Variants in ANKRD27 observed in about 807,000 individuals in gnomAD.
ANKRD27 encodes ankyrin repeat domain 27, also known as ankyrin repeat domain-containing protein 27.
ANKRD27 carries 112 observed loss-of-function variants against 129.7 expected under a neutral mutation model. The observed-to-expected ratio is 0.86, with a 90% CI of 0.74 to 1.01. The LOEUF (loss-of-function observed/expected upper bound fraction) is 1.01, where lower values mean the gene tolerates loss of function less well. Ranked by LOEUF, ANKRD27 falls within the 50% of genes least tolerant of loss-of-function variation. The pLI, the probability that ANKRD27 is intolerant of heterozygous loss-of-function variation, is 0.00. For synonymous variants in ANKRD27, 516 were observed against 511.2 expected (o/e 1.01, Z -0.13); for missense variants, 1,258 against 1,300.5 (o/e 0.97, Z 0.50).
chr19:32,624,109 G>A (rs578015919), intron 17 of ANKRD27, among the ~76,000 whole-genome samples: 1 of 152,060 alleles, frequency 6.6e-6, no homozygotes, highest in Admixed American at 6.5e-5. Flanking sequence ...GCTCACGCCT[G>A]TAATCCCAGC....
intron 10 of ANKRD27, among the ~76,000 whole-genome samples, chr19:32,641,393 T>C (rs898216315): frequency 6.6e-6 from 1 of 152,152 alleles, no homozygotes; most frequent in Non-Finnish European, 1.5e-5. Context: ...TTCCATTTTA[T>C]AGACATGGAG....
At chr19:32,650,324 G>A (rs1162805912) in intron 2 of ANKRD27, among the ~76,000 whole-genome samples, 1 of 152,194 alleles carries the variant, frequency 6.6e-6, no homozygotes, top group African/African-American at 2.4e-5. Flanking sequence ...GGCCAAGGCA[G>A]GCGGATCACT....
chr19:32,620,130 C>T (rs1004771679), intron 18 of ANKRD27, among the ~76,000 whole-genome samples: 2 of 152,102 alleles, frequency 1.3e-5, no homozygotes, highest in African/African-American at 4.8e-5. Flanking sequence ...AAAGCTGCGA[C>T]CTTGGCAGTA....
intron 28 of ANKRD27, 84 bp from the exon 29 acceptor site, chr19:32,598,462 G>T: frequency 1.6e-6 from 2 of 1,280,080 alleles, no homozygotes; most frequent in Non-Finnish European, 2.3e-6. Flanking sequence ...GCCCCTTAGT[G>T]CCTAGTGTCA....
Position 32,608,248 on chromosome 19 carries a change from T to C in ANKRD27, c.2176-416A>G, listed in dbSNP as rs1971779956. The stretch of plus-strand genomic sequence containing the variant: ...CTGGTCTTGAACTCCCAGGTTCATG[T>C]GGTCCTCCCACCTCAGCCTCCCAAA... On this transcript the variant is annotated intron_variant, in intron 22 of 28. Transcript: ENST00000306065. 6 of 247,516 alleles carry C rather than the reference T, an allele frequency of 2.4e-5. No individual in the cohort carries two copies. In the South Asian group the frequency reaches 2.7e-4, roughly 11 times the overall value. 15.3% of individuals were successfully genotyped at this position (247,516 alleles called of 1,614,324 possible).
intron 1 of ANKRD27, among the ~76,000 whole-genome samples, chr19:32,674,194 T>A (rs953535908): frequency 1.3e-5 from 2 of 151,880 alleles, no homozygotes; most frequent in Non-Finnish European, 2.9e-5. Context: ...AGAAAAAAAA[T>A]ATCCACTGCT....
At chr19:32,640,452 C>A in intron 10 of ANKRD27, 67 bp from the exon 11 acceptor site, 4 of 1,337,792 alleles carry the variant, frequency 3.0e-6, no homozygotes, top group South Asian at 1.2e-5. Flanking sequence ...CATATCAACT[C>A]CCTACCACCG....
At chr19:32,610,883 G>A (rs1473230414) in intron 22 of ANKRD27, among the ~76,000 whole-genome samples, 1 of 151,962 alleles carries the variant, frequency 6.6e-6, no homozygotes, top group Non-Finnish European at 1.5e-5. Flanking sequence ...GGGAGGCTGG[G>A]GCAGGAGGAT....
chr19:32,638,074 G>A (rs940141204), intron 12 of ANKRD27: 1 of 152,378 alleles, frequency 6.6e-6, no homozygotes, highest in Non-Finnish European at 1.5e-5. Flanking sequence ...GGGTGGAAAG[G>A]TGCAGGTGCC....
chr19:32,653,962 G>A (rs1340719607), intron 2 of ANKRD27, among the ~76,000 whole-genome samples: 2 of 151,928 alleles, frequency 1.3e-5, no homozygotes, highest in African/African-American at 4.8e-5. Flanking sequence ...GTGCAGTGGC[G>A]TGATCTCAGC....
At chr19:32,647,986 C>T (rs781499746) in intron 3 of ANKRD27, among the ~76,000 whole-genome samples, 2 of 152,222 alleles carry the variant, frequency 1.3e-5, no homozygotes, top group Non-Finnish European at 2.9e-5. Flanking sequence ...AGGATCCAGG[C>T]CGGGTGCAGT....
At position 32,632,779 on chromosome 19, in the gene ANKRD27, C is replaced by T. The variant is rs115332564; in HGVS notation, c.1117-1285G>A. On this transcript the variant is annotated intron_variant, in intron 12 of 28. Coordinates refer to ENST00000306065, the MANE Select transcript of ANKRD27 (RefSeq NM_032139.3). ...CCAGCCAGCGGCTGCCAGAAAACCCCCAAACCCTGACAAATTTGTGGAATA... is the reference window on the plus strand; with the variant it reads ...CCAGCCAGCGGCTGCCAGAAAACCCTCAAACCCTGACAAATTTGTGGAATA... 4.4e-3 allele frequency among the ~76,000 whole-genome samples: 675 copies of T among 152,178 alleles called. 5 individuals carry two copies. The highest frequency in any genetic ancestry group is 0.015 in the African/African-American group (642 of 41,520).
chr19:32,612,121 A>G (rs1168892453), intron 22 of ANKRD27, among the ~76,000 whole-genome samples: 4 of 152,188 alleles, frequency 2.6e-5, no homozygotes, highest in Admixed American at 6.5e-5. Flanking sequence ...TACCATTTAC[A>G]ACTGCTTGAA....
At chr19:32,617,251 A>G (rs1034425191) in intron 21 of ANKRD27, among the ~76,000 whole-genome samples, 1 of 152,206 alleles carries the variant, frequency 6.6e-6, no homozygotes, top group African/African-American at 2.4e-5. Context: ...TATAATAAAA[A>G]GCACTTCTAA....
chr19:32,624,551 T>C (rs573150778), intron 17 of ANKRD27, among the ~76,000 whole-genome samples: 3 of 152,006 alleles, frequency 2.0e-5, no homozygotes, highest in South Asian at 2.1e-4. Flanking sequence ...CATATATCAC[T>C]ATGGAGAGAA....
At chr19:32,625,435 CTTT>C (rs34165165) in intron 17 of ANKRD27, among the ~76,000 whole-genome samples, 8 of 133,312 alleles carry the variant, frequency 6.0e-5, no homozygotes, top group Non-Finnish European at 8.1e-5. Flanking sequence ...TAAACATTCT[CTTT>C]TTTTTTTTTT....
chr19:32,636,286 T>C (rs1599756038), intron 12 of ANKRD27: 1 of 162,160 alleles, frequency 6.2e-6, no homozygotes, highest in Admixed American at 6.2e-5. Flanking sequence ...CCCTAGGTGC[T>C]GAACACCAGG....
intron 17 of ANKRD27, among the ~76,000 whole-genome samples, chr19:32,624,850 C>T (rs1432703519): frequency 6.6e-6 from 1 of 151,908 alleles, no homozygotes; most frequent in East Asian, 1.9e-4. Context: ...GGGAGGATGG[C>T]TTGAGCCAGG....
chr19:32,670,733 C>A, intron 1 of ANKRD27, among the ~76,000 whole-genome samples: 1 of 149,862 alleles, frequency 6.7e-6, no homozygotes, highest in Non-Finnish European at 1.5e-5. Flanking sequence ...GTGGCTAGCA[C>A]CTGTAATCCC....
Sources: gnomAD v4.1 joint callset for allele counts (sites outside exome capture counted in the v4.1 genomes callset) on GRCh38, gnomAD v4.1.1 for gene constraint, MANE v1.5 for transcripts, NCBI Gene and HGNC (gene_info 2026-07-23, HGNC 2026-07-21) for gene names.